Variants in RANGAP1 observed in about 807,000 individuals in gnomAD.
The protein encoded by RANGAP1 is Ran GTPase activating protein 1, also known as ran GTPase-activating protein 1.
In RANGAP1, 38 loss-of-function variants were observed where a neutral mutation model predicts 63.5. That is an observed-to-expected ratio of 0.60 (90% CI 0.46 to 0.78). The LOEUF (loss-of-function observed/expected upper bound fraction) is 0.78. Ranked by LOEUF, RANGAP1 falls within the 30% of genes least tolerant of loss-of-function variation. The probability of loss-of-function intolerance (pLI) is 0.00; values close to 1 mark genes in which losing one functional copy is unlikely to be tolerated. For synonymous variants in RANGAP1, 329 were observed against 310.5 expected (o/e 1.06, Z -0.63); for missense variants, 630 against 740.3 (o/e 0.85, Z 1.73).
rs999751510 is a variant in RANGAP1 at position 41,280,528 on chromosome 22, C to T, written c.112+405G>A. Reference sequence around the variant, plus strand: ...CCCAGGTTGTTTTAATGCAGCTCCACCAGAGCCTCAGCTCTGGGGAAAGCT... The same window carrying T: ...CCCAGGTTGTTTTAATGCAGCTCCATCAGAGCCTCAGCTCTGGGGAAAGCT... On this transcript the variant is annotated intron_variant, in intron 2 of 15. Transcript: ENST00000356244. 16 of 606,246 alleles carry T rather than the reference C, an allele frequency of 2.6e-5. No individual in the cohort carries two copies. The African/African-American group carries it at 2.9e-4, about 11-fold the overall frequency. 37.6% of individuals were successfully genotyped at this position (606,246 alleles called of 1,614,324 possible). A position where few individuals can be genotyped will look rare whatever the true frequency, so the allele number is the denominator to read the frequency against.
intron 13 of RANGAP1, 120 bp from the exon 14 acceptor site, chr22:41,249,937 G>T: frequency 1.2e-6 from 1 of 829,770 alleles, no homozygotes; most frequent in Non-Finnish European, 2.0e-6. Flanking sequence ...CCCTGACGAA[G>T]AGGCGAACAC....
intron 15 of RANGAP1, among the ~76,000 whole-genome samples, chr22:41,247,643 C>A (rs1184047737): frequency 1.3e-5 from 2 of 152,222 alleles, no homozygotes; most frequent in Admixed American, 6.5e-5. Flanking sequence ...GGAGCCACTG[C>A]GCCTGAGCTG....
intron 3 of RANGAP1, among the ~76,000 whole-genome samples, chr22:41,270,694 T>C (rs1340026788): frequency 6.6e-6 from 1 of 151,998 alleles, no homozygotes; most frequent in Admixed American, 6.6e-5. Context: ...CGTGATCTGC[T>C]CCCACCGTAC....
At position 41,263,645 on chromosome 22, in the gene RANGAP1, A is replaced by C. The variant is rs566173663; in HGVS notation, c.480+1019T>G. Among the ~76,000 whole-genome samples the C allele has an allele frequency of 2.0e-5, 3 of 152,362 alleles. No individual in the cohort carries two copies. The East Asian group carries it at 5.8e-4, about 29-fold the overall frequency. ...GGTGATCTGCCCGACTCGGCCTCCC[A>C]AAGTGCTGGGATTACAGGCATGAGC... On this transcript the variant is annotated intron_variant, in intron 5 of 15. Transcript: ENST00000356244.
intron 1 of RANGAP1, among the ~76,000 whole-genome samples, chr22:41,284,160 T>C (rs983832991): frequency 6.6e-6 from 1 of 151,776 alleles, no homozygotes; most frequent in African/African-American, 2.4e-5. Flanking sequence ...GGCAAGAGAA[T>C]GGCATGAACC....
At chr22:41,258,436 G>C (rs556449747) in intron 6 of RANGAP1, among the ~76,000 whole-genome samples, 15 of 152,266 alleles carry the variant, frequency 9.9e-5, no homozygotes, top group Middle Eastern at 3.4e-3. Context: ...CCCTGGCTGT[G>C]GTGGGCAGGC....
chr22:41,274,790 G>A (rs773303922), intron 2 of RANGAP1, 63 bp from the exon 3 acceptor site: 128 of 1,598,556 alleles, frequency 8.0e-5, no homozygotes, highest in Non-Finnish European at 1.1e-4. Context: ...AGATAGGAGA[G>A]AGGTTGGCAA....
At chr22:41,273,907 C>G (rs1601687297) in intron 3 of RANGAP1, among the ~76,000 whole-genome samples, 1 of 151,432 alleles carries the variant, frequency 6.6e-6, no homozygotes, top group Non-Finnish European at 1.5e-5. Context: ...AACCCCATCT[C>G]TACTAAAAAT....
chr22:41,263,831 A>G (rs1310969206), intron 5 of RANGAP1, among the ~76,000 whole-genome samples: 1 of 152,146 alleles, frequency 6.6e-6, no homozygotes, highest in African/African-American at 2.4e-5. Context: ...AGGGGAGGCC[A>G]CTCCAGCTCC....
At position 41,246,196 on chromosome 22, in the gene RANGAP1, G is replaced by T. The variant is rs767739376; in HGVS notation, c.*407C>A. Reference sequence around the variant, plus strand: ...ACAACACAGAGGGGAAGGACAGCACGCGGGCAACTCCCTGGGTTCTGGCTC... The same window carrying T: ...ACAACACAGAGGGGAAGGACAGCACTCGGGCAACTCCCTGGGTTCTGGCTC... On this transcript the variant is annotated 3_prime_UTR_variant, in exon 16 of 16. Transcript: ENST00000356244. 2 of 204,012 alleles carry T rather than the reference G, an allele frequency of 9.8e-6. No homozygotes were observed. Among genetic ancestry groups the T allele is most frequent in the African/African-American group, 2.3e-5 (1 of 42,982 alleles). The allele number at this position is 204,012 out of a possible 1,614,324, so 12.6% of individuals were successfully genotyped here.
At chr22:41,267,662 A>G (rs1037687319) in intron 4 of RANGAP1, among the ~76,000 whole-genome samples, 2 of 152,176 alleles carry the variant, frequency 1.3e-5, no homozygotes, top group South Asian at 2.1e-4. Flanking sequence ...CAAAGCAGAC[A>G]GTGGTACGGA....
chr22:41,245,658 GACAC>G lies in RANGAP1; in HGVS notation c.*941_*944del, dbSNP rs1019633987. ...TTGTGAAGCCCCCGGGCACAGCCCA[GACAC>G]ACACAGAGCACAAAGGGGAAAGCAT... On this transcript the variant is annotated 3_prime_UTR_variant, in exon 16 of 16. Transcript: ENST00000356244. 6.6e-6 allele frequency: 1 copy of G among 152,426 alleles called. No homozygotes were observed. The highest frequency in any genetic ancestry group is 2.4e-5 in the African/African-American group (1 of 41,454). 9.4% of individuals were successfully genotyped at this position (152,426 alleles called of 1,614,324 possible).
intron 11 of RANGAP1, among the ~76,000 whole-genome samples, chr22:41,254,032 C>T (rs1041561435): frequency 6.0e-5 from 9 of 149,688 alleles, no homozygotes; most frequent in South Asian, 2.1e-4. Context: ...CACTTGAACC[C>T]GGGAGGCAGA....
At chr22:41,253,207 G>T (rs2033592841) in intron 11 of RANGAP1, among the ~76,000 whole-genome samples, 1 of 152,198 alleles carries the variant, frequency 6.6e-6, no homozygotes, top group African/African-American at 2.4e-5. Flanking sequence ...AGCCTTTGGG[G>T]TGAGGGGGAA....
In RANGAP1 at chr22:41,257,893, C is replaced by G; in HGVS notation, c.774+55G>C. The G allele has an allele frequency of 6.5e-7, 1 of 1,531,742 alleles. No individual in the cohort carries two copies. The highest frequency in any genetic ancestry group is 1.2e-5 in the South Asian group (1 of 80,380). The allele number at this position is 1,531,742 out of a possible 1,614,324, so 94.9% of individuals were successfully genotyped here. On this transcript the variant is annotated intron_variant, in intron 7 of 15. Transcript: ENST00000356244. The surrounding 1 kb of genome is among the most constrained non-coding windows in gnomAD (Gnocchi z 4.0). ...CGGAGCCCCAGCTTCCCTGGAAAGA[C>G]AGCAGCCAGCCTCTATCTGGCGGGG...
intron 10 of RANGAP1, 154 bp from the exon 11 acceptor site, chr22:41,254,648 A>C: frequency 1.0e-6 from 1 of 985,152 alleles, no homozygotes; most frequent in South Asian, 4.7e-5. Flanking sequence ...GGGCAGGTGG[A>C]TCACCAGGGA....
intron 3 of RANGAP1, among the ~76,000 whole-genome samples, chr22:41,273,787 AAAAAAAG>A: frequency 6.9e-6 from 1 of 145,350 alleles, no homozygotes. Flanking sequence ...AAAAAAAAAA[AAAAAAAG>A]GCCGGGAGCA....
chr22:41,281,473 G>C, intron 1 of RANGAP1: 1 of 995,706 alleles, frequency 1.0e-6, no homozygotes, highest in Non-Finnish European at 1.2e-6. Flanking sequence ...GAGCATCTTG[G>C]CTGTTCTCTG....
chr22:41,254,554 G>A, intron 10 of RANGAP1, 60 bp from the exon 11 acceptor site: 2 of 1,515,366 alleles, frequency 1.3e-6, no homozygotes, highest in South Asian at 1.3e-5. Context: ...TTGGCTCTAA[G>A]GCCTGGCTCC....
Sources: allele counts gnomAD v4.1 joint callset (sites outside exome capture counted in the v4.1 genomes callset), GRCh38; gene constraint gnomAD v4.1.1; non-coding constraint Gnocchi (gnomAD v3.1); transcripts MANE v1.5; gene names NCBI Gene and HGNC (gene_info 2026-07-23, HGNC 2026-07-21).